NGLY1: variants seen among roughly 807,000 people sequenced by gnomAD.
NGLY1 encodes the protein N-glycanase 1, also known as peptide-N(4)-(N-acetyl-beta-glucosaminyl)asparagine amidase.
In NGLY1, 68 loss-of-function variants were observed where a neutral mutation model predicts 84.6. The ratio of observed to expected loss-of-function variants is 0.80; its 90% confidence interval spans 0.66 to 0.98. NGLY1 has a LOEUF of 0.98. NGLY1 is among the 50% of genes least tolerant of loss of function. The probability of loss-of-function intolerance (pLI) is 0.00; values close to 1 mark genes in which losing one functional copy is unlikely to be tolerated. For synonymous variants in NGLY1, 280 were observed against 275.2 expected, an observed-to-expected ratio of 1.02 and a Z score of -0.17; for missense variants, 779 against 770.2, an observed-to-expected ratio of 1.01 and a Z score of -0.14.
At position 25,732,423 on chromosome 3, in the gene NGLY1, G is replaced by C; in HGVS notation, c.1321C>G (p.Leu441Val). Residue 441 changes from leucine (L) to valine (V), a missense_variant, in exon 9 of 12, where the codon CTT becomes GTT. Coordinates refer to ENST00000280700, the MANE Select transcript of NGLY1 (RefSeq NM_018297.4). Reference protein sequence around the residue: ...KELLQRIIVELVEFISPKTPK... With the variant: ...KELLQRIIVEVVEFISPKTPK... ...GTTTTGGGAGATATAAATTCAACAAGCTCCACAATTATCCTCTGGAGAAGT... is the reference window on the plus strand; with the variant it reads ...GTTTTGGGAGATATAAATTCAACAACCTCCACAATTATCCTCTGGAGAAGT... 1 of 1,613,578 alleles carries C rather than the reference G, an allele frequency of 6.2e-7. No individual in the cohort carries two copies. Among genetic ancestry groups the C allele is most frequent in the Non-Finnish European group, 8.5e-7 (1 of 1,179,614 alleles).
At chr3:25,741,769 T>A (rs562607771) in intron 4 of NGLY1, among the ~76,000 whole-genome samples, 4 of 151,942 alleles carry the variant, frequency 2.6e-5, no homozygotes, top group African/African-American at 9.7e-5. Flanking sequence ...GGTGGGAGGA[T>A]CACTTGAGGT....
intron 9 of NGLY1, 101 bp downstream of exon 9, chr3:25,732,218 C>T (rs1236509337): frequency 8.0e-6 from 8 of 1,002,408 alleles, no homozygotes; most frequent in Non-Finnish European, 8.5e-6. Context: ...CTCAAGTTAA[C>T]TGAAAGGTCA....
upstream of NGLY1, among the ~76,000 whole-genome samples, chr3:25,788,219 G>A (rs1708645567): frequency 6.6e-6 from 1 of 152,218 alleles, no homozygotes; most frequent in South Asian, 2.1e-4. Context: ...ACAGAGATGA[G>A]AAAAGTTAGG....
chr3:25,731,534 G>T (rs1453944551), intron 9 of NGLY1, among the ~76,000 whole-genome samples: 1 of 152,024 alleles, frequency 6.6e-6, no homozygotes, highest in East Asian at 1.9e-4. Context: ...AAAACTGTTT[G>T]GCAATATGTA....
At chr3:25,733,258 T>C (rs1414469122) in intron 8 of NGLY1, among the ~76,000 whole-genome samples, 1 of 152,204 alleles carries the variant, frequency 6.6e-6, no homozygotes, top group African/African-American at 2.4e-5. Context: ...TGCTCTGCCC[T>C]GTTCTAACTG....
At chr3:25,785,180 CAT>C (rs1188935883), upstream of NGLY1, among the ~76,000 whole-genome samples, 27 of 142,662 alleles carry the variant, frequency 1.9e-4, no homozygotes, top group Non-Finnish European at 3.3e-4. Context: ...CTTTTAACCA[CAT>C]GAGCCCAGAA....
At chr3:25,773,408 T>C (rs1319930635) in intron 2 of NGLY1, among the ~76,000 whole-genome samples, 1 of 152,214 alleles carries the variant, frequency 6.6e-6, no homozygotes, top group Non-Finnish European at 1.5e-5. Context: ...ACTTGTTCAA[T>C]TCCATTGTTG....
At chr3:25,776,522 TA>T (rs922798091) in intron 2 of NGLY1, among the ~76,000 whole-genome samples, 1 of 152,216 alleles carries the variant, frequency 6.6e-6, no homozygotes, top group Admixed American at 6.5e-5. Context: ...ATCCCCTGCC[TA>T]ATCTCTCCTT....
chr3:25,742,683 CTAGAGTAATCTTCT>C (rs1706211859), intron 4 of NGLY1, among the ~76,000 whole-genome samples: 1 of 151,926 alleles, frequency 6.6e-6, no homozygotes, highest in African/African-American at 2.4e-5. Flanking sequence ...CATGCAGCAG[CTAGAGTAATCTTCT>C]TAAAAGTACA....
At chr3:25,757,327 C>A (rs1362153306) in intron 3 of NGLY1, among the ~76,000 whole-genome samples, 1 of 152,180 alleles carries the variant, frequency 6.6e-6, no homozygotes, top group Non-Finnish European at 1.5e-5. Context: ...CTAGTCCTAG[C>A]TCCATCATTC....
At chr3:25,757,612 C>T (rs1027458030) in intron 3 of NGLY1, among the ~76,000 whole-genome samples, 43 of 152,298 alleles carry the variant, frequency 2.8e-4, no homozygotes, top group African/African-American at 9.9e-4. Flanking sequence ...ATGGAAATCA[C>T]TGACCATAGT....
intron 6 of NGLY1, chr3:25,736,373 A>C: frequency 1.9e-6 from 3 of 1,551,450 alleles, no homozygotes; most frequent in Non-Finnish European, 2.6e-6. Context: ...TAACGTGGTC[A>C]GTTTTAGGCT....
chr3:25,733,835 G>A, intron 8 of NGLY1, 37 bp downstream of exon 8: 1 of 1,440,178 alleles, frequency 6.9e-7, no homozygotes, highest in Non-Finnish European at 9.6e-7. Flanking sequence ...CATAAAAAAT[G>A]TCAACTGTTC....
Position 25,737,337 on chromosome 3 carries a change from T to G in NGLY1, c.1000A>C (p.Thr334Pro), listed in dbSNP as rs760254613. ...CTGCTCATTCCACATTCTGTACCTG[T>G]GTAATCCCAAACATAGCGAGCTTCA... The part of the protein sequence containing the change: ...GFEARYVWDY[T>P]DHVWTEVYSP... Residue 334 changes from threonine (T) to proline (P), a missense_variant, in exon 6 of 12, where the codon ACA becomes CCA. Transcript: ENST00000280700. 9.9e-6 allele frequency: 16 copies of G among 1,610,552 alleles called. No individual in the cohort carries two copies. Among genetic ancestry groups the G allele is most frequent in the East Asian group, 2.2e-5 (1 of 44,844 alleles).
chr3:25,724,500 T>G (rs1450997070), intron 10 of NGLY1, among the ~76,000 whole-genome samples: 1 of 152,220 alleles, frequency 6.6e-6, no homozygotes, highest in Non-Finnish European at 1.5e-5. Context: ...TTTGTAGAAT[T>G]TGGATAAGAA....
intron 10 of NGLY1, among the ~76,000 whole-genome samples, chr3:25,721,748 C>CAAAAAAAAAAAAAAAAAAAAA (rs59028606): frequency 2.0e-5 from 1 of 50,704 alleles, no homozygotes; most frequent in African/African-American, 8.8e-5. Context: ...GACTCCATCT[C>CAAAAAAAAAAAAAAAAAAAAA]AAAAAAAAAA....
At chr3:25,739,429 G>T in intron 5 of NGLY1, 148 bp downstream of exon 5, 1 of 721,296 alleles carries the variant, frequency 1.4e-6, no homozygotes, top group Non-Finnish European at 2.2e-6. Context: ...ATGTCGGCTG[G>T]ATTTAGCCTG....
intron 5 of NGLY1, 89 bp from the exon 6 acceptor site, chr3:25,737,544 ATT>A (rs371935487): frequency 4.4e-3 from 4,183 of 958,518 alleles, no homozygotes; most frequent in Middle Eastern, 7.1e-3. Context: ...GAAATGTTTA[ATT>A]TTTTTTTTTT....
chr3:25,736,179 G>GA (rs1487529471), intron 6 of NGLY1, 30 bp from the exon 7 acceptor site: 3 of 1,601,142 alleles, frequency 1.9e-6, no homozygotes, highest in Non-Finnish European at 2.6e-6. Context: ...GAGAGCAATG[G>GA]AAAAAAGACA....
Sources: gnomAD v4.1 joint callset for allele counts (sites outside exome capture counted in the v4.1 genomes callset) on GRCh38, gnomAD v4.1.1 for gene constraint, MANE v1.5 for transcripts, NCBI Gene and HGNC (gene_info 2026-07-23, HGNC 2026-07-21) for gene names.